The following SEL1L2 variants were observed in gnomAD, a reference collection of about 807,000 sequenced individuals.
The protein encoded by SEL1L2 is protein sel-1 homolog 2.
SEL1L2 carries 89 observed loss-of-function variants against 98.8 expected under a neutral mutation model. The observed-to-expected ratio is 0.90, with a 90% CI of 0.76 to 1.07. SEL1L2 has a LOEUF of 1.07. Among genes scored for constraint, SEL1L2 ranks in the 50% least tolerant of loss-of-function variants. SEL1L2 has a pLI of 0.00. For synonymous variants in SEL1L2, 262 were observed against 278.5 expected, an observed-to-expected ratio of 0.94 and a Z score of 0.59; for missense variants, 788 against 812.0, an observed-to-expected ratio of 0.97 and a Z score of 0.36.
At position 13,939,680 on chromosome 20, in the gene SEL1L2, T is replaced by C. The variant is rs930892435; in HGVS notation, c.115-7909A>G. ...CACCCTTATTCTTTTTTTTTTTTTT[T>C]TTTGAGACAGAGTTTTGTTCTTGTT... is the stretch of plus-strand genomic sequence containing the variant. On this transcript the variant is annotated intron_variant, in intron 2 of 19. Transcript: ENST00000284951. Among the ~76,000 whole-genome samples, 6 of 120,646 alleles carry C rather than the reference T, an allele frequency of 5.0e-5. 1 individual carries two copies. Among genetic ancestry groups the C allele is most frequent in the Admixed American group, 8.9e-5 (1 of 11,246 alleles). 79.1% of individuals were successfully genotyped at this position (120,646 alleles called of 152,430 possible). A position where few individuals can be genotyped will look rare whatever the true frequency, so the allele number is the denominator to read the frequency against.
At chr20:13,881,349 T>A (rs1302247726) in intron 10 of SEL1L2, among the ~76,000 whole-genome samples, 4 of 152,214 alleles carry the variant, frequency 2.6e-5, no homozygotes, top group Admixed American at 2.0e-4. Context: ...TAGAACATCC[T>A]GAGAAAAGAT....
At chr20:13,979,500 T>C (rs902269414) in intron 1 of SEL1L2, among the ~76,000 whole-genome samples, 3 of 152,220 alleles carry the variant, frequency 2.0e-5, no homozygotes, top group Non-Finnish European at 4.4e-5. Flanking sequence ...GAAGTATCAC[T>C]CTGCATCGTT....
rs540537816 is a variant in SEL1L2, at chr20:13,966,877, G to A, written c.59-10746C>T. Among the ~76,000 whole-genome samples the A allele has an allele frequency of 6.6e-5, 6 of 91,594 alleles. No individual in the cohort carries two copies. The South Asian group carries it at 2.7e-3, about 40-fold the overall frequency. 60.1% of individuals were successfully genotyped at this position (91,594 alleles called of 152,430 possible). On this transcript the variant is annotated intron_variant, in intron 1 of 19. Transcript: ENST00000284951. Reference sequence around the variant, plus strand: ...TCTCTTTCTCTGTTACCAGAGACCTGTCTTTTTTTTTTTTTTTTTTTTGAG... The same window carrying A: ...TCTCTTTCTCTGTTACCAGAGACCTATCTTTTTTTTTTTTTTTTTTTTGAG...
intron 1 of SEL1L2, among the ~76,000 whole-genome samples, chr20:13,980,799 T>TCA (rs1282923186): frequency 6.6e-6 from 1 of 152,190 alleles, no homozygotes; most frequent in Non-Finnish European, 1.5e-5. Context: ...GAAATATTAT[T>TCA]CAGCCTTAGA....
At position 13,860,521 on chromosome 20, in the gene SEL1L2, G is replaced by A. The variant is rs1016584851; in HGVS notation, c.1646-1087C>T. Among the ~76,000 whole-genome samples the A allele has an allele frequency of 6.6e-5, 10 of 152,136 alleles. 1 individual carries two copies. The highest frequency in any genetic ancestry group is 5.9e-4 in the Admixed American group (9 of 15,272). On this transcript the variant is annotated intron_variant, in intron 17 of 19. Coordinates refer to ENST00000284951, the MANE Select transcript of SEL1L2 (RefSeq NM_025229.2). ...AGCACTGTCCTGTCGCAGCATTGATGGCACTGCCTTCTCTTGGTTTCCCTT... is the reference window on the plus strand; with the variant it reads ...AGCACTGTCCTGTCGCAGCATTGATAGCACTGCCTTCTCTTGGTTTCCCTT...
At chr20:13,849,701 C>T in intron 19 of SEL1L2, 97 bp from the exon 20 acceptor site, 1 of 1,385,264 alleles carries the variant, frequency 7.2e-7, no homozygotes. Flanking sequence ...CAACCCTCCT[C>T]CCACCCATTC....
intron 14 of SEL1L2, among the ~76,000 whole-genome samples, chr20:13,868,204 A>C (rs138242423): frequency 6.6e-6 from 1 of 151,006 alleles, no homozygotes; most frequent in Non-Finnish European, 1.5e-5. Context: ...TCCCCATCCC[A>C]TTCCCCCATA....
chr20:13,974,233 G>A (rs6105196), intron 1 of SEL1L2, among the ~76,000 whole-genome samples: 55,966 of 151,916 alleles, frequency 0.37, 10,889 homozygotes, highest in South Asian at 0.48. Context: ...ATTTTCCCTA[G>A]ATTTTTTGTC....
chr20:13,865,300 C>T, intron 16 of SEL1L2, 49 bp downstream of exon 16: 2 of 1,608,856 alleles, frequency 1.2e-6, no homozygotes, highest in Non-Finnish European at 1.7e-6. Context: ...TAAAGTCATA[C>T]ATGCATATGT....
At chr20:13,955,613 T>C (rs2050499780) in intron 2 of SEL1L2, among the ~76,000 whole-genome samples, 1 of 152,190 alleles carries the variant, frequency 6.6e-6, no homozygotes, top group Non-Finnish European at 1.5e-5. Flanking sequence ...ACTTCTTTAC[T>C]TGACATATTT....
intron 3 of SEL1L2, among the ~76,000 whole-genome samples, chr20:13,925,861 A>C (rs116294671): frequency 0.019 from 2,955 of 152,382 alleles, 106 homozygotes; most frequent in African/African-American, 0.065. Context: ...CCATTTTGCT[A>C]GAATGAGAGA....
At chr20:13,961,901 C>T (rs1216982758) in intron 1 of SEL1L2, among the ~76,000 whole-genome samples, 1 of 152,148 alleles carries the variant, frequency 6.6e-6, no homozygotes, top group African/African-American at 2.4e-5. Flanking sequence ...TTTGGGACAG[C>T]AGTGTCTAAT....
chr20:13,939,416 C>T (rs964767421), intron 2 of SEL1L2, among the ~76,000 whole-genome samples: 1 of 152,060 alleles, frequency 6.6e-6, no homozygotes, highest in Non-Finnish European at 1.5e-5. Context: ...ACTTATATGT[C>T]ATACATTTTC....
At chr20:13,928,592 C>A (rs977233634) in intron 3 of SEL1L2, among the ~76,000 whole-genome samples, 6 of 152,130 alleles carry the variant, frequency 3.9e-5, no homozygotes, top group East Asian at 3.8e-4. Flanking sequence ...TGTATTACTG[C>A]GGGCCCTAGG....
chr20:13,907,710 C>CT lies in SEL1L2; in HGVS notation c.549+6071dup, dbSNP rs1231088867. Among the ~76,000 whole-genome samples, 11 of 105,184 alleles carry CT rather than the reference C, an allele frequency of 1.0e-4. 1 individual carries two copies. The highest frequency in any genetic ancestry group is 4.6e-4 in the African/African-American group (11 of 23,668). The allele number at this position is 105,184 out of a possible 152,430, so 69.0% of individuals were successfully genotyped here. Reference sequence around the variant, plus strand: ...TTTCTTTCTTTCTTTCTCTTTCTTTCTTTCTTTCTTTCTTTCTTTCTTTCT... The same window carrying CT: ...TTTCTTTCTTTCTTTCTCTTTCTTTCTTTTCTTTCTTTCTTTCTTTCTTTCT... On this transcript the variant is annotated intron_variant, in intron 5 of 19. Coordinates refer to ENST00000284951, the MANE Select transcript of SEL1L2 (RefSeq NM_025229.2).
intron 1 of SEL1L2, among the ~76,000 whole-genome samples, chr20:13,964,420 G>C (rs559281787): frequency 7.0e-6 from 1 of 141,856 alleles, no homozygotes; most frequent in African/African-American, 2.6e-5. Flanking sequence ...TAAATGTGTG[G>C]TGTGCTCTGC....
Position 13,859,290 on chromosome 20 carries a change from A to T in SEL1L2, c.1790T>A (p.Met597Lys). Residue 597 changes from methionine (M) to lysine (K), a missense_variant, in exon 18 of 20, where the codon ATG (methionine) becomes AAG (lysine). Coordinates refer to ENST00000284951, the MANE Select transcript of SEL1L2 (RefSeq NM_025229.2). ...TGTGATGCCTAAGCCGTGTTCATAC[A>T]TATAAGCCAGATTGAACATGGCTTG... The part of the protein sequence containing the change: ...NAQAMFNLAY[M>K]YEHGLGITKD... 1 of 1,614,180 alleles carries T rather than the reference A, an allele frequency of 6.2e-7. No homozygotes were observed. The highest frequency in any genetic ancestry group is 8.5e-7 in the Non-Finnish European group (1 of 1,180,010).
intron 4 of SEL1L2, among the ~76,000 whole-genome samples, chr20:13,916,385 T>G (rs1444698506): frequency 6.6e-6 from 1 of 152,130 alleles, no homozygotes; most frequent in East Asian, 1.9e-4. Context: ...GCTGCACAGA[T>G]GTAACTTGTT....
At chr20:13,895,993 C>G (rs1014759013) in intron 5 of SEL1L2, among the ~76,000 whole-genome samples, 1 of 151,254 alleles carries the variant, frequency 6.6e-6, no homozygotes, top group African/African-American at 2.4e-5. Context: ...GCCAACATAG[C>G]AAAACTCCAT....
Sources: gnomAD v4.1 joint callset for allele counts (sites outside exome capture counted in the v4.1 genomes callset) on GRCh38, gnomAD v4.1.1 for gene constraint, MANE v1.5 for transcripts, NCBI Gene and HGNC (gene_info 2026-07-23, HGNC 2026-07-21) for gene names.